The following DCC variants were observed in gnomAD, a reference collection of about 807,000 sequenced individuals.
DCC encodes the protein netrin receptor DCC.
Under a neutral mutation model 172.5 loss-of-function variants are expected in DCC, and 58 were observed. The ratio of observed to expected loss-of-function variants is 0.34; its 90% CI spans 0.27 to 0.42. The LOEUF (loss-of-function observed/expected upper bound fraction) is 0.42. DCC is among the 10% of genes least tolerant of loss of function. DCC has a pLI of 1.00. For synonymous variants in DCC, 709 were observed against 644.5 expected, an observed-to-expected ratio of 1.10 and a Z score of -1.52; for missense variants, 1,740 against 1,791.0, an observed-to-expected ratio of 0.97 and a Z score of 0.51.
intron 5 of DCC, among the ~76,000 whole-genome samples, chr18:53,058,342 C>G (rs2042443347): frequency 6.6e-6 from 1 of 152,096 alleles, no homozygotes; most frequent in South Asian, 2.1e-4. Flanking sequence ...TATAAAGTTA[C>G]AAGCTTGGTC....
chr18:53,128,035 G>A (rs1054348425), intron 7 of DCC, among the ~76,000 whole-genome samples: 1 of 152,022 alleles, frequency 6.6e-6, no homozygotes, highest in African/African-American at 2.4e-5. Context: ...TTCTTTACTT[G>A]CATAAACATA....
chr18:52,863,390 T>C (rs1488283218), intron 2 of DCC, among the ~76,000 whole-genome samples: 1 of 151,836 alleles, frequency 6.6e-6, no homozygotes, highest in Non-Finnish European at 1.5e-5. Context: ...AATTTATAAA[T>C]ACATATCGTA....
intron 1 of DCC, among the ~76,000 whole-genome samples, chr18:52,701,558 G>A (rs550564695): frequency 6.6e-6 from 1 of 152,160 alleles, no homozygotes; most frequent in Non-Finnish European, 1.5e-5. Context: ...AAGAAAGGAT[G>A]AGATGAGGCT....
At chr18:52,923,557 G>T (rs936892420) in intron 3 of DCC, 150 bp from the exon 4 acceptor site, 2 of 682,232 alleles carry the variant, frequency 2.9e-6, no homozygotes, top group African/African-American at 3.6e-5. Context: ...TATACACTTG[G>T]GATGAAAAAA....
intron 25 of DCC, among the ~76,000 whole-genome samples, chr18:53,479,935 T>C (rs1475748797): frequency 6.6e-6 from 1 of 152,156 alleles, no homozygotes; most frequent in Non-Finnish European, 1.5e-5. Flanking sequence ...GGCAAATGGA[T>C]TCACAATTTG....
chr18:53,273,124 T>C (rs2056766703), intron 12 of DCC, among the ~76,000 whole-genome samples: 2 of 152,146 alleles, frequency 1.3e-5, no homozygotes, highest in South Asian at 2.1e-4. Flanking sequence ...TGCAGACAAG[T>C]GGGACAGAGT....
At chr18:53,049,257 A>C (rs935113349) in intron 5 of DCC, among the ~76,000 whole-genome samples, 2 of 152,020 alleles carry the variant, frequency 1.3e-5, no homozygotes, top group African/African-American at 4.8e-5. Flanking sequence ...AATCTTTGCC[A>C]GGTCCTATGT....
intron 1 of DCC, among the ~76,000 whole-genome samples, chr18:52,519,559 G>A (rs1186154720): frequency 6.6e-6 from 1 of 152,182 alleles, no homozygotes; most frequent in African/African-American, 2.4e-5. Context: ...GCAATGGGAT[G>A]GGGGAAAGTA....
At chr18:52,472,917 A>G (rs75251254) in intron 1 of DCC, among the ~76,000 whole-genome samples, 2,999 of 152,228 alleles carry the variant, frequency 0.02, 88 homozygotes, top group African/African-American at 0.067. Flanking sequence ...AAAAATAAAT[A>G]AATTAAATTA....
rs1177485405 is a variant in DCC at position 53,215,608 on chromosome 18, TA to T, written c.1911+14del. ...GTGGTCAATTCAAGAGTAAGTTGGC[TA>T]AATGTTCACTACTCCATTACCTATC... On this transcript the variant is annotated intron_variant, in intron 12 of 28. Coordinates refer to ENST00000442544, the MANE Select transcript of DCC (RefSeq NM_005215.4). The T allele has an allele frequency of 9.3e-6, 15 of 1,608,894 alleles. No individual in the cohort carries two copies. Among genetic ancestry groups the T allele is most frequent in the African/African-American group, 1.3e-5 (1 of 74,790 alleles).
At chr18:52,482,025 C>G (rs889828502) in intron 1 of DCC, among the ~76,000 whole-genome samples, 1 of 151,984 alleles carries the variant, frequency 6.6e-6, no homozygotes, top group Admixed American at 6.6e-5. Flanking sequence ...CAACTTTCAG[C>G]GTCAGGGATT....
At chr18:53,260,647 G>A (rs370772048) in intron 12 of DCC, among the ~76,000 whole-genome samples, 2 of 152,290 alleles carry the variant, frequency 1.3e-5, no homozygotes, top group African/African-American at 4.8e-5. Context: ...CTACTCGGGG[G>A]TCAGGGACCC....
At chr18:52,742,082 A>G (rs2036830396) in intron 1 of DCC, among the ~76,000 whole-genome samples, 1 of 152,208 alleles carries the variant, frequency 6.6e-6, no homozygotes, top group South Asian at 2.1e-4. Flanking sequence ...GATAGTGGGC[A>G]CTTACTGGCC....
chr18:52,425,280 C>A (rs994878866), intron 1 of DCC, among the ~76,000 whole-genome samples: 2 of 152,112 alleles, frequency 1.3e-5, no homozygotes, highest in Non-Finnish European at 2.9e-5. Context: ...TGTGGCTAAA[C>A]TGGTGTCCCT....
chr18:53,331,131 A>G (rs577966022), intron 14 of DCC, among the ~76,000 whole-genome samples: 61 of 152,316 alleles, frequency 4.0e-4, no homozygotes, highest in African/African-American at 1.4e-3. Context: ...AATGCATCCT[A>G]TTATGCTTAT....
intron 4 of DCC, among the ~76,000 whole-genome samples, chr18:52,924,651 A>G (rs1038841237): frequency 2.6e-4 from 39 of 152,076 alleles, no homozygotes; most frequent in Non-Finnish European, 1.8e-4. Flanking sequence ...TTTTATAGAG[A>G]AGGTAAGTCC....
At chr18:53,198,843 G>A (rs2055490352) in intron 9 of DCC, among the ~76,000 whole-genome samples, 2 of 152,110 alleles carry the variant, frequency 1.3e-5, no homozygotes, top group Non-Finnish European at 2.9e-5. Context: ...TCCATTCTTT[G>A]AAGAAATAGG....
At position 52,927,119 on chromosome 18, in the gene DCC, G is replaced by GTA. The variant is rs1468988769; in HGVS notation, c.985+1754_985+1755dup. 3.9e-3 allele frequency among the ~76,000 whole-genome samples: 344 copies of GTA among 87,618 alleles called. 42 individuals carry two copies. The highest frequency in any genetic ancestry group is 5.6e-3 in the African/African-American group (132 of 23,490). 57.5% of individuals were successfully genotyped at this position (87,618 alleles called of 152,430 possible). On this transcript the variant is annotated intron_variant, in intron 5 of 28. Transcript: ENST00000442544. ...TACGTGTATATACACGTATATACGT[G>GTA]TATATACACGTATATACGTGTATAT... is the stretch of plus-strand genomic sequence containing the variant.
At chr18:52,831,580 T>G (rs923991611) in intron 2 of DCC, among the ~76,000 whole-genome samples, 5 of 152,078 alleles carry the variant, frequency 3.3e-5, no homozygotes, top group African/African-American at 9.7e-5. Flanking sequence ...GATGACAGAT[T>G]AGATGTGGGG....
Sources: allele counts gnomAD v4.1 joint callset (sites outside exome capture counted in the v4.1 genomes callset), GRCh38; gene constraint gnomAD v4.1.1; transcripts MANE v1.5; gene names NCBI Gene and HGNC (gene_info 2026-07-23, HGNC 2026-07-21).